The following TPST2 variants were observed in gnomAD, a reference collection of about 807,000 sequenced individuals.
The protein encoded by TPST2 is tyrosylprotein sulfotransferase 2.
Under a neutral mutation model 27.8 loss-of-function variants are expected in TPST2, and 16 were observed. That is an observed-to-expected ratio of 0.58 (90% CI 0.39 to 0.88). The LOEUF is 0.88. TPST2 is among the 40% of genes least tolerant of loss of function. The pLI is 0.00. For missense variants in TPST2, 464 were observed against 543.1 expected (o/e 0.85, Z 1.45); for synonymous variants, 229 against 231.7 (o/e 0.99, Z 0.10).
intron 1 of TPST2, among the ~76,000 whole-genome samples, chr22:26,557,022 C>T (rs1442082071): frequency 6.6e-6 from 1 of 152,236 alleles, no homozygotes; most frequent in Non-Finnish European, 1.5e-5. Context: ...AATTTGAGAC[C>T]CAGCCTGCGG....
chr22:26,526,704 A>G (rs1012808288), intron 6 of TPST2, among the ~76,000 whole-genome samples: 1 of 152,236 alleles, frequency 6.6e-6, no homozygotes, highest in African/African-American at 2.4e-5. Context: ...TGATCTGCAG[A>G]AAGGCAGCGA....
At chr22:26,577,429 C>G (rs1487512413) in intron 1 of TPST2, among the ~76,000 whole-genome samples, 1 of 151,750 alleles carries the variant, frequency 6.6e-6, no homozygotes, top group Non-Finnish European at 1.5e-5. Context: ...ACTGTAACTT[C>G]CACCTCCCAG....
intron 1 of TPST2, among the ~76,000 whole-genome samples, chr22:26,585,714 A>G (rs1421299046): frequency 2.6e-5 from 4 of 152,160 alleles, no homozygotes; most frequent in Admixed American, 6.5e-5. Flanking sequence ...GCTACATCTG[A>G]TCTGCCACTC....
chr22:26,568,693 A>G (rs992971572), intron 1 of TPST2, among the ~76,000 whole-genome samples: 2 of 152,180 alleles, frequency 1.3e-5, no homozygotes, highest in Admixed American at 1.3e-4. Context: ...AGGAACCCTC[A>G]GTTCTGGGAA....
At chr22:26,566,431 G>A (rs1300069863) in intron 1 of TPST2, among the ~76,000 whole-genome samples, 1 of 151,858 alleles carries the variant, frequency 6.6e-6, no homozygotes, top group East Asian at 1.9e-4. Flanking sequence ...CGCACCTGTA[G>A]TCCCAGCTAC....
chr22:26,539,414 G>A (rs1445007803), intron 3 of TPST2, among the ~76,000 whole-genome samples: 2 of 152,106 alleles, frequency 1.3e-5, no homozygotes, highest in Non-Finnish European at 1.5e-5. Flanking sequence ...GACAGAGGGA[G>A]GAAGGAAAGG....
At chr22:26,556,737 G>A (rs1488956413) in intron 1 of TPST2, among the ~76,000 whole-genome samples, 2 of 152,274 alleles carry the variant, frequency 1.3e-5, no homozygotes, top group Non-Finnish European at 2.9e-5. Context: ...GCTCCGTTAT[G>A]GACACAAAAT....
Position 26,540,912 on chromosome 22 carries a change from T to C in TPST2, c.719A>G (p.Gln240Arg), listed in dbSNP as rs771245581. ...KEKCLPVYYE[Q>R]LVLHPRRSLK... ...TGAGCGCCTGGGGTGCAGCACCAGC[T>C]GCTCGTAGTACACAGGCAGGCACTT... Residue 240 changes from glutamine (Q) to arginine (R), a missense_variant, in exon 3 of 7, where the codon CAG becomes CGG. Transcript: ENST00000338754. The C allele has an allele frequency of 6.2e-7, 1 of 1,614,210 alleles. No homozygotes were observed. The highest frequency in any genetic ancestry group is 8.5e-7 in the Non-Finnish European group (1 of 1,180,034).
At chr22:26,549,638 C>G (rs557156545) in intron 1 of TPST2, among the ~76,000 whole-genome samples, 54 of 90,528 alleles carry the variant, frequency 6.0e-4, no homozygotes, top group Non-Finnish European at 9.6e-4. Flanking sequence ...GCCTGGGCGA[C>G]AGAGCAAGAC....
intron 1 of TPST2, among the ~76,000 whole-genome samples, chr22:26,545,389 G>A (rs546704734): frequency 1.2e-4 from 18 of 152,336 alleles, no homozygotes; most frequent in African/African-American, 4.3e-4. Flanking sequence ...TTACAGGAAC[G>A]AGGCTGTGTC....
intron 1 of TPST2, among the ~76,000 whole-genome samples, chr22:26,580,740 C>T (rs555725440): frequency 6.6e-6 from 1 of 152,196 alleles, no homozygotes; most frequent in South Asian, 2.1e-4. Context: ...GAAGGATCCC[C>T]AAAGGAGCCG....
At chr22:26,555,252 A>G (rs1926727308) in intron 1 of TPST2, 2 of 531,508 alleles carry the variant, frequency 3.8e-6, no homozygotes, top group Non-Finnish European at 7.7e-6. Flanking sequence ...AAAGTAATGC[A>G]GTTTTTGCCA....
At chr22:26,589,538 A>T (rs536355763) in intron 1 of TPST2, among the ~76,000 whole-genome samples, 2 of 151,974 alleles carry the variant, frequency 1.3e-5, no homozygotes, top group Non-Finnish European at 2.9e-5. Flanking sequence ...GGGCTCCCCA[A>T]CCCAGTGCTC....
intron 1 of TPST2, among the ~76,000 whole-genome samples, chr22:26,589,580 G>T (rs1384181554): frequency 6.6e-6 from 1 of 152,110 alleles, no homozygotes; most frequent in Non-Finnish European, 1.5e-5. Flanking sequence ...GACGATTTCC[G>T]CCCCCAACGC....
At chr22:26,551,453 G>C (rs778254188) in intron 1 of TPST2, among the ~76,000 whole-genome samples, 1 of 152,130 alleles carries the variant, frequency 6.6e-6, no homozygotes, top group African/African-American at 2.4e-5. Flanking sequence ...GCTCAGAGAC[G>C]TAAAGGAACC....
intron 1 of TPST2, among the ~76,000 whole-genome samples, chr22:26,545,703 C>T (rs1375587768): frequency 6.6e-6 from 1 of 152,220 alleles, no homozygotes; most frequent in Admixed American, 6.5e-5. Context: ...CTTGAGTATA[C>T]ATATCACTCC....
At position 26,556,736 on chromosome 22, in the gene TPST2, T is replaced by C. The variant is rs1273265511; in HGVS notation, c.-160-12061A>G. The stretch of plus-strand genomic sequence containing the variant: ...TCGCTGCCAGCATCTGGCTCCGTTA[T>C]GGACACAAAATCTATGGCTGTTAGG... On this transcript the variant is annotated intron_variant, in intron 1 of 6. Coordinates refer to ENST00000338754, the MANE Select transcript of TPST2 (RefSeq NM_003595.5). 5.9e-5 allele frequency among the ~76,000 whole-genome samples: 9 copies of C among 152,230 alleles called. No individual in the cohort carries two copies. The East Asian group carries it at 1.5e-3, about 26-fold the overall frequency.
chr22:26,541,054 T>C lies in TPST2; in HGVS notation c.577A>G (p.Ile193Val). 6.2e-7 allele frequency: 1 copy of C among 1,613,620 alleles called. No homozygotes were observed. The highest frequency in any genetic ancestry group is 1.7e-5 in the Admixed American group (1 of 60,024). The change falls in exon 3 of 7, where the codon ATC becomes GTC. Residue 193 changes from isoleucine (I) to valine (V), a missense_variant. Transcript: ENST00000338754. This position sits in a 1 kb window ranked among gnomAD's most constrained non-coding sequence, Gnocchi z 5.9. Reference protein sequence around the residue: ...RDGRASVHSMITRKVTIAGFD... With the variant: ...RDGRASVHSMVTRKVTIAGFD... Reference sequence around the variant, plus strand: ...CCCGCAATGGTGACTTTGCGCGTGATCATGGAGTGCACGGAGGCCCGGCCG... The same window carrying C: ...CCCGCAATGGTGACTTTGCGCGTGACCATGGAGTGCACGGAGGCCCGGCCG...
intron 1 of TPST2, among the ~76,000 whole-genome samples, chr22:26,553,845 A>G (rs1047074856): frequency 6.6e-6 from 1 of 152,226 alleles, no homozygotes; most frequent in African/African-American, 2.4e-5. Context: ...TCTAAATGCT[A>G]TGTAGGTAGT....
Sources: gnomAD v4.1 joint callset for allele counts (sites outside exome capture counted in the v4.1 genomes callset) on GRCh38, gnomAD v4.1.1 for gene constraint, Gnocchi (gnomAD v3.1) non-coding constraint, MANE v1.5 for transcripts, NCBI Gene and HGNC (gene_info 2026-07-23, HGNC 2026-07-21) for gene names.